STARD13: variants seen among roughly 807,000 people sequenced by gnomAD.
STARD13 encodes stAR-related lipid transfer protein 13.
A neutral mutation model predicts 106.4 loss-of-function variants in STARD13; 62 were observed. The ratio of observed to expected loss-of-function variants is 0.58; its 90% confidence interval spans 0.48 to 0.72. STARD13 has a LOEUF of 0.72. Among genes scored for constraint, STARD13 ranks in the 30% least tolerant of loss-of-function variants. The pLI is 0.00. For synonymous variants in STARD13, 565 were observed against 553.0 expected, an observed-to-expected ratio of 1.02 and a Z score of -0.31; for missense variants, 1,387 against 1,424.0, an observed-to-expected ratio of 0.97 and a Z score of 0.42.
the STARD13 span, among the ~76,000 whole-genome samples, chr13:33,553,421 G>C: frequency 6.6e-6 from 1 of 151,762 alleles, no homozygotes; most frequent in Admixed American, 6.6e-5. Context: ...GGACGTAAAG[G>C]TATATAAATA....
the STARD13 span, among the ~76,000 whole-genome samples, chr13:33,566,387 C>T: frequency 2.0e-5 from 3 of 147,528 alleles, 1 homozygote; most frequent in African/African-American, 7.5e-5. Flanking sequence ...AATGTATGCC[C>T]CATTGATAAG....
chr13:33,165,922 T>C (rs1008427830), intron 2 of STARD13, among the ~76,000 whole-genome samples: 1 of 152,232 alleles, frequency 6.6e-6, no homozygotes, highest in African/African-American at 2.4e-5. Context: ...AAATTGATTC[T>C]ATCCAAAAAG....
chr13:33,493,233 G>A, the STARD13 span, among the ~76,000 whole-genome samples: 45,426 of 151,910 alleles, frequency 0.3, 7,666 homozygotes, highest in Non-Finnish European at 0.39. Context: ...GCCTCCTTGC[G>A]GAACCAAGGC....
At chr13:33,271,059 C>A (rs550271633) in intron 1 of STARD13, among the ~76,000 whole-genome samples, 2 of 152,290 alleles carry the variant, frequency 1.3e-5, no homozygotes, top group East Asian at 1.9e-4. Context: ...TTGCTTCTGG[C>A]AAAATTTCAC....
chr13:33,621,010 A>G, the STARD13 span, among the ~76,000 whole-genome samples: 4 of 151,888 alleles, frequency 2.6e-5, no homozygotes, highest in African/African-American at 9.7e-5. Flanking sequence ...AAGAAAAGTT[A>G]TAATATTAAA....
chr13:33,544,477 T>C, the STARD13 span, among the ~76,000 whole-genome samples: 14 of 152,220 alleles, frequency 9.2e-5, no homozygotes, highest in Non-Finnish European at 1.5e-4. Flanking sequence ...AATACAGATA[T>C]TGTTAGATAA....
At chr13:33,111,970 T>C in intron 9 of STARD13, 78 bp from the exon 10 acceptor site, 1 of 887,888 alleles carries the variant, frequency 1.1e-6, no homozygotes. Context: ...CCCTTTTGTT[T>C]TCTGTTTATA....
intron 1 of STARD13, among the ~76,000 whole-genome samples, chr13:33,198,970 C>T (rs999391515): frequency 3.9e-5 from 6 of 152,208 alleles, no homozygotes; most frequent in African/African-American, 1.4e-4. Flanking sequence ...CTTTTCCAAT[C>T]GCCTTTCCCA....
intron 6 of STARD13, 67 bp from the exon 7 acceptor site, chr13:33,126,307 C>A: frequency 6.5e-7 from 1 of 1,529,796 alleles, no homozygotes; most frequent in South Asian, 1.1e-5. Flanking sequence ...GCTCTGGAAG[C>A]AAGCATGAGG....
At chr13:33,316,351 G>A (rs560241945) in intron 1 of STARD13, among the ~76,000 whole-genome samples, 1 of 152,268 alleles carries the variant, frequency 6.6e-6, no homozygotes, top group South Asian at 2.1e-4. Flanking sequence ...TGGTTACAAA[G>A]CCTATGGATT....
At chr13:33,396,225 G>A in the STARD13 span, among the ~76,000 whole-genome samples, 2 of 149,308 alleles carry the variant, frequency 1.3e-5, no homozygotes, top group African/African-American at 2.5e-5. Flanking sequence ...TGAACTCCTG[G>A]GCTTAAGTGA....
At chr13:33,650,920 A>G in the STARD13 span, among the ~76,000 whole-genome samples, 1 of 152,254 alleles carries the variant, frequency 6.6e-6, no homozygotes, top group African/African-American at 2.4e-5. Context: ...GGCCCTCGCC[A>G]GACACTGATC....
chr13:33,499,526 TTC>T, the STARD13 span, among the ~76,000 whole-genome samples: 53 of 22,702 alleles, frequency 2.3e-3, 2 homozygotes, highest in African/African-American at 6.0e-3. Context: ...TTCTTTCTTC[TTC>T]TTCTTCTTCT....
At chr13:33,374,844 A>T in the STARD13 span, among the ~76,000 whole-genome samples, 1 of 152,192 alleles carries the variant, frequency 6.6e-6, no homozygotes, top group Non-Finnish European at 1.5e-5. Context: ...CTTTATACAG[A>T]TCACTGGGGA....
At chr13:33,555,203 AT>A in the STARD13 span, among the ~76,000 whole-genome samples, 1 of 152,202 alleles carries the variant, frequency 6.6e-6, no homozygotes, top group African/African-American at 2.4e-5. Flanking sequence ...CTCTCAATCC[AT>A]TCCTCTTTTT....
At chr13:33,374,731 C>A in the STARD13 span, among the ~76,000 whole-genome samples, 1 of 152,014 alleles carries the variant, frequency 6.6e-6, no homozygotes, top group Non-Finnish European at 1.5e-5. Flanking sequence ...AAAAAGTGAC[C>A]CATACAAACA....
At chr13:33,384,478 T>C in the STARD13 span, among the ~76,000 whole-genome samples, 24 of 152,346 alleles carry the variant, frequency 1.6e-4, no homozygotes, top group African/African-American at 5.8e-4. Flanking sequence ...AAGCAAATGC[T>C]TTTGAATCAC....
chr13:33,603,475 A>G, the STARD13 span, among the ~76,000 whole-genome samples: 1 of 152,140 alleles, frequency 6.6e-6, no homozygotes, highest in African/African-American at 2.4e-5. Flanking sequence ...ACACACAACA[A>G]AAGGGTAAGC....
At chr13:33,497,134 T>G in the STARD13 span, among the ~76,000 whole-genome samples, 1 of 152,118 alleles carries the variant, frequency 6.6e-6, no homozygotes. Flanking sequence ...ATGAGTCCCA[T>G]CACATCCCAA....
Sources: allele counts gnomAD v4.1 joint callset (sites outside exome capture counted in the v4.1 genomes callset), GRCh38; gene constraint gnomAD v4.1.1; transcripts MANE v1.5; gene names NCBI Gene and HGNC (gene_info 2026-07-23, HGNC 2026-07-21).